The following GRIK4 variants were observed in gnomAD, a reference collection of about 807,000 sequenced individuals.
The protein encoded by GRIK4 is glutamate ionotropic receptor kainate type subunit 4.
Under a neutral mutation model 104.9 loss-of-function variants are expected in GRIK4, and 40 were observed. The observed-to-expected ratio is 0.38, with a 90% CI of 0.30 to 0.50. The LOEUF (loss-of-function observed/expected upper bound fraction) is 0.50, where lower values mean the gene tolerates loss of function less well. Among genes scored for constraint, GRIK4 ranks in the 20% least tolerant of loss-of-function variants. The probability of loss-of-function intolerance (pLI) is 0.93; values close to 1 mark genes in which losing one functional copy is unlikely to be tolerated. For missense variants in GRIK4, 1,047 were observed against 1,308.1 expected (o/e 0.80, Z 3.08); for synonymous variants, 485 against 524.9 (o/e 0.92, Z 1.04).
At chr11:120,954,341 C>G (rs531167228) in intron 15 of GRIK4, among the ~76,000 whole-genome samples, 1 of 152,062 alleles carries the variant, frequency 6.6e-6, no homozygotes, top group East Asian at 1.9e-4. Flanking sequence ...CCACCAACCC[C>G]TCTCGGGCCT....
intron 13 of GRIK4, among the ~76,000 whole-genome samples, chr11:120,911,964 C>A (rs1368941705): frequency 1.3e-5 from 2 of 152,072 alleles, no homozygotes; most frequent in African/African-American, 2.4e-5. Context: ...CCTGGTAATA[C>A]CCATGGCTAA....
intron 1 of GRIK4, among the ~76,000 whole-genome samples, chr11:120,534,506 C>T (rs961646066): frequency 5.9e-5 from 9 of 152,070 alleles, no homozygotes; most frequent in East Asian, 1.9e-4. Context: ...CGCTGAGAAC[C>T]GTGCACGCTG....
chr11:120,700,270 T>C lies in GRIK4; in HGVS notation c.82+39870T>C, dbSNP rs865986177. 7.1e-3 allele frequency among the ~76,000 whole-genome samples: 1,047 copies of C among 147,674 alleles called. 51 individuals carry two copies. In the East Asian group the frequency reaches 0.13, roughly 18 times the overall value. The stretch of plus-strand genomic sequence containing the variant: ...CTATAAGATTATATTACTACTTTTT[T>C]TTTTTTTTTTTTTTTGAGATGGAGT... On this transcript the variant is annotated intron_variant, in intron 3 of 20. Coordinates refer to ENST00000527524, the MANE Select transcript of GRIK4 (RefSeq NM_014619.5).
chr11:120,850,645 G>T (rs1012160854), intron 8 of GRIK4, among the ~76,000 whole-genome samples: 1 of 152,168 alleles, frequency 6.6e-6, no homozygotes, highest in African/African-American at 2.4e-5. Flanking sequence ...GGCAAAGGGG[G>T]AAACCAAGGC....
intron 3 of GRIK4, among the ~76,000 whole-genome samples, chr11:120,799,620 C>A (rs922294245): frequency 4.6e-5 from 7 of 152,176 alleles, no homozygotes; most frequent in Non-Finnish European, 8.8e-5. Flanking sequence ...CCTCTCTGAC[C>A]TCCAATTCCT....
chr11:120,741,079 TC>T (rs1951321207), intron 3 of GRIK4, among the ~76,000 whole-genome samples: 1 of 152,040 alleles, frequency 6.6e-6, no homozygotes, highest in Non-Finnish European at 1.5e-5. Flanking sequence ...GTGCTGTCTC[TC>T]TCGTTCGTGT....
intron 6 of GRIK4, among the ~76,000 whole-genome samples, chr11:120,823,756 A>G (rs1953182835): frequency 6.6e-6 from 1 of 152,186 alleles, no homozygotes; most frequent in Non-Finnish European, 1.5e-5. Context: ...AAGCACAGAC[A>G]AGGTTCTGGA....
At position 120,575,363 on chromosome 11, in the gene GRIK4, C is replaced by G. The variant is rs892358148; in HGVS notation, c.-159+63476C>G. On this transcript the variant is annotated intron_variant, in intron 1 of 20. Transcript: ENST00000527524. ...CTTTTTACCTGATTTAATTTTCACA[C>G]CTTATTCAGTGGCTCTTCATGGAAC... is the stretch of plus-strand genomic sequence containing the variant. Among the ~76,000 whole-genome samples the G allele has an allele frequency of 5.3e-5, 8 of 152,276 alleles. 1 individual carries two copies. The East Asian group carries it at 9.6e-4, about 18-fold the overall frequency.
Position 120,953,807 on chromosome 11 carries a change from C to T in GRIK4, c.1700+843C>T, listed in dbSNP as rs2134696494. Among the ~76,000 whole-genome samples, 1 of 152,336 alleles carries T rather than the reference C, an allele frequency of 6.6e-6. No homozygotes were observed. Among genetic ancestry groups the T allele is most frequent in the East Asian group, 1.9e-4 (1 of 5,182 alleles). On this transcript the variant is annotated intron_variant, in intron 15 of 20. Coordinates refer to ENST00000527524, the MANE Select transcript of GRIK4 (RefSeq NM_014619.5). This position sits in a 1 kb window ranked among gnomAD's most constrained non-coding sequence, Gnocchi z 4.9. Reference sequence around the variant, plus strand: ...CTTAACCCTCCAGAAGTGGGATGAGCCCTGGTGGCTCCCAGGCCACTCACT... The same window carrying T: ...CTTAACCCTCCAGAAGTGGGATGAGTCCTGGTGGCTCCCAGGCCACTCACT...
At chr11:120,857,173 G>A (rs879595451) in intron 8 of GRIK4, among the ~76,000 whole-genome samples, 1 of 152,070 alleles carries the variant, frequency 6.6e-6, no homozygotes, top group Non-Finnish European at 1.5e-5. Context: ...ACCTGTCTGG[G>A]GCCATGCCCA....
intron 1 of GRIK4, among the ~76,000 whole-genome samples, chr11:120,517,116 C>T (rs1947737745): frequency 6.7e-6 from 1 of 149,274 alleles, no homozygotes; most frequent in Non-Finnish European, 1.5e-5. Context: ...CCGTCTGTGC[C>T]TGTCACCGCC....
intron 1 of GRIK4, among the ~76,000 whole-genome samples, chr11:120,557,655 G>C (rs766516431): frequency 6.6e-6 from 1 of 152,174 alleles, no homozygotes; most frequent in Admixed American, 6.5e-5. Flanking sequence ...AATCTGGAAG[G>C]GGTCTTCTTT....
chr11:120,740,437 C>T (rs531945325), intron 3 of GRIK4, among the ~76,000 whole-genome samples: 19 of 152,174 alleles, frequency 1.2e-4, no homozygotes, highest in Non-Finnish European at 2.2e-4. Flanking sequence ...TGAAGCATCC[C>T]CACAGGAACC....
At chr11:120,690,743 C>T (rs1030156638) in intron 3 of GRIK4, among the ~76,000 whole-genome samples, 1 of 152,228 alleles carries the variant, frequency 6.6e-6, no homozygotes, top group Non-Finnish European at 1.5e-5. Context: ...TGTTCCTTAC[C>T]CTCCTCACCA....
intron 1 of GRIK4, among the ~76,000 whole-genome samples, chr11:120,577,091 A>G (rs1446727460): frequency 6.6e-6 from 1 of 152,224 alleles, no homozygotes. Context: ...ATGAGAATAT[A>G]AGAGAAACTG....
intron 1 of GRIK4, among the ~76,000 whole-genome samples, chr11:120,644,039 G>C (rs1949507356): frequency 8.5e-6 from 1 of 118,046 alleles, no homozygotes; most frequent in Non-Finnish European, 1.7e-5. Flanking sequence ...GTGTGTGTGT[G>C]TGTGTGAGAG....
intron 19 of GRIK4, among the ~76,000 whole-genome samples, chr11:120,973,421 A>G (rs1944507983): frequency 6.6e-6 from 1 of 152,222 alleles, no homozygotes; most frequent in Non-Finnish European, 1.5e-5. Flanking sequence ...TGAAAGGGAA[A>G]ATAAACAGTG....
At chr11:120,682,177 G>A (rs908751416) in intron 3 of GRIK4, among the ~76,000 whole-genome samples, 8 of 152,200 alleles carry the variant, frequency 5.3e-5, no homozygotes, top group African/African-American at 1.4e-4. Flanking sequence ...GAAGGAAGTC[G>A]AATTGAAATG....
chr11:120,891,915 T>C (rs2134455168), intron 11 of GRIK4, among the ~76,000 whole-genome samples: 1 of 152,344 alleles, frequency 6.6e-6, no homozygotes, highest in Non-Finnish European at 1.5e-5. Flanking sequence ...GATAAATATT[T>C]AGACTTTGCA....
Sources: allele counts gnomAD v4.1 joint callset (sites outside exome capture counted in the v4.1 genomes callset), GRCh38; gene constraint gnomAD v4.1.1; non-coding constraint Gnocchi (gnomAD v3.1); transcripts MANE v1.5; gene names NCBI Gene and HGNC (gene_info 2026-07-23, HGNC 2026-07-21).